ZNF683: variants seen among roughly 807,000 people sequenced by gnomAD.
ZNF683 encodes the protein zinc finger protein 683.
ZNF683 carries 20 observed loss-of-function variants against 31.4 expected under a neutral mutation model. The ratio of observed to expected loss-of-function variants is 0.64; its 90% CI spans 0.45 to 0.93. ZNF683 has a LOEUF of 0.93. ZNF683 is among the 40% of genes least tolerant of loss of function. ZNF683 has a pLI of 0.00. For missense variants in ZNF683, 621 were observed against 637.2 expected (o/e 0.97, Z 0.27); for synonymous variants, 264 against 267.6 (o/e 0.99, Z 0.13).
rs1425898452 is a variant in ZNF683 at position 26,366,185 on chromosome 1, A to G, written c.320-959T>C. On this transcript the variant is annotated intron_variant, in intron 3 of 5. Transcript: ENST00000349618. ...ACAAAAGCGAAACTCTGTTTCAAAAAAAAGAAAGAAAGAAAGAAAGAAAAT... is the reference window on the plus strand; with the variant it reads ...ACAAAAGCGAAACTCTGTTTCAAAAGAAAGAAAGAAAGAAAGAAAGAAAAT... 7.9e-5 allele frequency among the ~76,000 whole-genome samples: 12 copies of G among 151,998 alleles called. No individual in the cohort carries two copies. In the East Asian group the frequency reaches 2.3e-3, roughly 29 times the overall value.
chr1:26,368,492 G>C lies in ZNF683; in HGVS notation c.80C>G (p.Pro27Arg). 1 of 1,600,114 alleles carries C rather than the reference G, an allele frequency of 6.2e-7. No individual in the cohort carries two copies. Among genetic ancestry groups the C allele is most frequent in the South Asian group, 1.1e-5 (1 of 88,440 alleles). Residue 27 changes from proline to arginine, a missense_variant, in exon 2 of 6, where the codon CCC (proline) becomes CGC (arginine). Physicochemically the swap from Pro to Arg is moderately radical, Grantham distance 103. Coordinates refer to ENST00000349618, the MANE Select transcript of ZNF683 (RefSeq NM_001114759.3). The stretch of plus-strand genomic sequence containing the variant: ...TCGGAAGAGCTGGAAGTCCAGGCTG[G>C]GGGACAGGGAGCCCCCTGTACCTCC... Reference protein sequence around the residue: ...ALGGTGGSLSPSLDFQLFRGD... With the variant: ...ALGGTGGSLSRSLDFQLFRGD...
At chr1:26,369,820 C>G (rs756239625) in intron 1 of ZNF683, among the ~76,000 whole-genome samples, 3 of 151,884 alleles carry the variant, frequency 2.0e-5, no homozygotes, top group Non-Finnish European at 4.4e-5. Flanking sequence ...CAGAGTGAGA[C>G]TCGGTTCAAA....
Position 26,361,728 on chromosome 1 carries a change from A to T in ZNF683, c.1438T>A (p.Ser480Thr). Residue 480 changes from serine to threonine, a missense_variant, in exon 6 of 6, where the codon TCC becomes ACC. By Grantham distance (58) the Ser-to-Thr change is moderately conservative. Coordinates refer to ENST00000349618, the MANE Select transcript of ZNF683 (RefSeq NM_001114759.3). ...DIDEVKVSST[S>T]QGKARAVSLS... ...CTCACTGCTCTTGCTTTCCCCTGGG[A>T]TGTCGAGGACACTTTGACCTCATCT... 6.2e-7 allele frequency: 1 copy of T among 1,614,002 alleles called. No individual in the cohort carries two copies. Among genetic ancestry groups the T allele is most frequent in the Non-Finnish European group, 8.5e-7 (1 of 1,179,882 alleles).
upstream of ZNF683, chr1:26,374,389 C>A (rs1483587917): frequency 3.9e-6 from 5 of 1,274,574 alleles, no homozygotes; most frequent in Admixed American, 4.8e-5. Flanking sequence ...AGGAAATGGC[C>A]TTGGAGATTT....
In ZNF683 at chr1:26,365,057, G is replaced by C; in HGVS notation, c.489C>G (p.Asn163Lys). 1.2e-6 allele frequency: 2 copies of C among 1,605,708 alleles called. No individual in the cohort carries two copies. The highest frequency in any genetic ancestry group is 2.2e-5 in the East Asian group (1 of 44,792). ...HNSSSPPPLQ[N>K]RKSPSPLAFC... is the part of the protein sequence containing the mutation. ...AAGCCAAGGGGCTGGGGCTCTTTCT[G>C]TTCTGCAGCGGTGGTGGGGAAGAGC... The change falls in exon 4 of 6, where the codon AAC becomes AAG. Residue 163 changes from asparagine (N) to lysine (K), a missense_variant. Physicochemically the swap from Asn to Lys is moderately conservative, Grantham distance 94. Transcript: ENST00000349618.
intron 1 of ZNF683, among the ~76,000 whole-genome samples, chr1:26,371,293 G>A (rs1315059186): frequency 6.6e-6 from 1 of 152,144 alleles, no homozygotes; most frequent in Non-Finnish European, 1.5e-5. Flanking sequence ...GAGGCCCCAA[G>A]AGGCAAAAGA....
At chr1:26,362,962 C>T in intron 5 of ZNF683, 64 bp downstream of exon 5, 1 of 1,528,444 alleles carries the variant, frequency 6.5e-7, no homozygotes, top group Non-Finnish European at 8.9e-7. Context: ...GGTGCCAGCC[C>T]TCCAAGGGCC....
intron 2 of ZNF683, among the ~76,000 whole-genome samples, 189 bp from the exon 3 acceptor site, chr1:26,367,986 C>T (rs1304546188): frequency 6.6e-6 from 1 of 152,174 alleles, no homozygotes; most frequent in African/African-American, 2.4e-5. Context: ...ATTTTCCCAC[C>T]CACCACAAGA....
At chr1:26,366,891 C>T (rs566705572) in intron 3 of ZNF683, among the ~76,000 whole-genome samples, 79 of 152,290 alleles carry the variant, frequency 5.2e-4, no homozygotes, top group Non-Finnish European at 8.5e-4. Context: ...CTCCTGACCT[C>T]GTGATGTGCC....
At chr1:26,369,683 A>AAAATGT (rs2074621146) in intron 1 of ZNF683, among the ~76,000 whole-genome samples, 1 of 136,598 alleles carries the variant, frequency 7.3e-6, no homozygotes, top group Admixed American at 7.0e-5. Flanking sequence ...AAAAAAAATT[A>AAAATGT]GCTGAGTGTG....
Position 26,364,683 on chromosome 1 carries a change from C to A in ZNF683, c.863G>T (p.Arg288Leu), listed in dbSNP as rs11247933. The change falls in exon 4 of 6, where the codon CGT (arginine) becomes CTT (leucine). Residue 288 changes from arginine to leucine, a missense_variant. Coordinates refer to ENST00000349618, the MANE Select transcript of ZNF683 (RefSeq NM_001114759.3). ...AAPTDSPGLE[R>L]GGMASPAKRV... is the part of the protein sequence containing the mutation. The stretch of plus-strand genomic sequence containing the variant: ...CTTTGCTGGAGATGCCATGCCACCA[C>A]GCTCCAGGCCTGGGGAGTCGGTTGG... The A allele has an allele frequency of 0.34, 556,357 of 1,613,750 alleles. 98,635 individuals are homozygous for A. The highest frequency in any genetic ancestry group is 0.38 in the Admixed American group (22,774 of 59,996).
chr1:26,362,558 T>C (rs2074411775), intron 5 of ZNF683, among the ~76,000 whole-genome samples: 1 of 152,148 alleles, frequency 6.6e-6, no homozygotes, highest in Non-Finnish European at 1.5e-5. Flanking sequence ...GAGCTAGGAT[T>C]TGAACACAGG....
rs770434077 is a variant in ZNF683, at chr1:26,363,044, C to T, written c.1125G>A (p.Glu375=). The T allele has an allele frequency of 3.7e-6, 6 of 1,611,492 alleles. No individual in the cohort carries two copies. In the Admixed American group the frequency reaches 8.4e-5, roughly 23 times the overall value. The change falls in exon 5 of 6, where the codon GAG becomes GAA. Residue 375 remains glutamate, a synonymous_variant. Coordinates refer to ENST00000349618, the MANE Select transcript of ZNF683 (RefSeq NM_001114759.3). ...LQKHHLVHTG[E]RPHKCSVCHK... is the part of the protein sequence containing the mutation. Reference sequence around the variant, plus strand: ...ATCTCACCGAGCACTTGTGGGGCCGCTCCCCAGTGTGCACCAGGTGGTGCT... The same window carrying T: ...ATCTCACCGAGCACTTGTGGGGCCGTTCCCCAGTGTGCACCAGGTGGTGCT...
intron 5 of ZNF683, 145 bp from the exon 6 acceptor site, chr1:26,362,167 C>G (rs781313587): frequency 6.3e-7 from 1 of 1,598,420 alleles, no homozygotes; most frequent in African/African-American, 1.3e-5. Flanking sequence ...TTCCTGGAAC[C>G]CACGGTATCT....
At chr1:26,374,196 C>G (rs2074719090), upstream of ZNF683, 1 of 1,285,918 alleles carries the variant, frequency 7.8e-7, no homozygotes, top group Non-Finnish European at 1.0e-6. Context: ...AGCCCGCCTC[C>G]CCTGCTGTCT....
Position 26,364,736 on chromosome 1 carries a change from C to A in ZNF683, c.810G>T (p.Gln270His). 6.2e-7 allele frequency: 1 copy of A among 1,613,840 alleles called. No individual in the cohort carries two copies. Among genetic ancestry groups the A allele is most frequent in the Non-Finnish European group, 8.5e-7 (1 of 1,179,804 alleles). Reference protein sequence around the residue: ...FQASGQALPSQARNPGAGAAP... With the variant: ...FQASGQALPSHARNPGAGAAP... ...CAGCTCCAGCACCTGGATTTCGGGCCTGGGAAGGCAGAGCTTGGCCAGAGG... is the reference window on the plus strand; with the variant it reads ...CAGCTCCAGCACCTGGATTTCGGGCATGGGAAGGCAGAGCTTGGCCAGAGG... Residue 270 changes from glutamine to histidine, a missense_variant, in exon 4 of 6, where the codon CAG (glutamine) becomes CAT (histidine). Transcript: ENST00000349618.
rs189316276 is a variant in ZNF683, at chr1:26,366,886, G to A, written c.319+707C>T. ...TTAGCCAGGATGGTCTCGATCTCCT[G>A]ACCTCGTGATGTGCCCGCCTCAGCC... is the stretch of plus-strand genomic sequence containing the variant. On this transcript the variant is annotated intron_variant, in intron 3 of 5. Coordinates refer to ENST00000349618, the MANE Select transcript of ZNF683 (RefSeq NM_001114759.3). 4.2e-3 allele frequency among the ~76,000 whole-genome samples: 646 copies of A among 152,284 alleles called. 6 individuals are homozygous for A. Among genetic ancestry groups the A allele is most frequent in the East Asian group, 0.022 (111 of 5,158 alleles).
intron 1 of ZNF683, among the ~76,000 whole-genome samples, chr1:26,369,039 G>A (rs2074600507): frequency 6.6e-6 from 1 of 152,058 alleles, no homozygotes; most frequent in Admixed American, 6.6e-5. Context: ...GATGTCAGGA[G>A]TTCAAGACTA....
intron 1 of ZNF683, chr1:26,370,505 C>CTCTTTGAA (rs2074645115): frequency 3.0e-6 from 1 of 327,914 alleles, no homozygotes; most frequent in Admixed American, 6.5e-5. Flanking sequence ...TCAGGGACCA[C>CTCTTTGAA]TCTTTGAATC....
Sources: allele counts gnomAD v4.1 joint callset (sites outside exome capture counted in the v4.1 genomes callset), GRCh38; gene constraint gnomAD v4.1.1; transcripts MANE v1.5; gene names NCBI Gene and HGNC (gene_info 2026-07-23, HGNC 2026-07-21).